TMEM221: variants seen among roughly 807,000 people sequenced by gnomAD.
The protein encoded by TMEM221 is Putative transmembrane protein ENSP00000342162.
In TMEM221, 11 loss-of-function variants were observed where a neutral mutation model predicts 10.2. The ratio of observed to expected loss-of-function variants is 1.08; its 90% confidence interval spans 0.68 to 1.79. TMEM221 has a LOEUF of 1.79. Ranked by LOEUF, TMEM221 falls within the 40% of genes most tolerant of loss-of-function variation. TMEM221 has a pLI of 0.00. For missense variants in TMEM221, 382 were observed against 417.7 expected (o/e 0.91, Z 0.75); for synonymous variants, 172 against 199.8 (o/e 0.86, Z 1.18).
At chr19:17,439,016 G>A (rs994570534) in intron 2 of TMEM221, among the ~76,000 whole-genome samples, 1 of 151,078 alleles carries the variant, frequency 6.6e-6, no homozygotes, top group Non-Finnish European at 1.5e-5. Context: ...GACCATCCTG[G>A]CTAACACGGT....
rs921446315 is a variant in TMEM221, at chr19:17,445,256, G to A, written c.349C>T (p.Leu117Phe). 1 of 1,535,814 alleles carries A rather than the reference G, an allele frequency of 6.5e-7. No homozygotes were observed. Among genetic ancestry groups the A allele is most frequent in the Non-Finnish European group, 8.7e-7 (1 of 1,146,704 alleles). Reference sequence around the variant, plus strand: ...AGGCCAAGGGCCACATGTCTGAGGAGGCGGCAGTCGTAGAGAAACCAGTCA... The same window carrying A: ...AGGCCAAGGGCCACATGTCTGAGGAAGCGGCAGTCGTAGAGAAACCAGTCA... Reference protein sequence around the residue: ...RSDWFLYDCRLLRHVALGLFC... With the variant: ...RSDWFLYDCRFLRHVALGLFC... Residue 117 changes from leucine (L) to phenylalanine (F), a missense_variant, in exon 2 of 3, where the codon CTC becomes TTC. Coordinates refer to ENST00000341130, the MANE Select transcript of TMEM221 (RefSeq NM_001190844.2).
chr19:17,439,874 A>G (rs1310396217), intron 2 of TMEM221, among the ~76,000 whole-genome samples: 1 of 151,848 alleles, frequency 6.6e-6, no homozygotes, highest in East Asian at 2.0e-4. Context: ...AATGTGCTCA[A>G]TCCCACTGAA....
chr19:17,438,895 A>AC (rs74485696), intron 2 of TMEM221, among the ~76,000 whole-genome samples: 150,120 of 150,122 alleles, frequency 1, 75,059 homozygotes, highest in Middle Eastern at 1. Flanking sequence ...ACTGCGCCCG[A>AC]CACCTGCTCT....
In TMEM221 at chr19:17,436,381, T is replaced by A; in HGVS notation, c.*77A>T. ...AAATGAGAGAAAAATCAAGTCCTAC[T>A]GCTACTGCAGCTGAACCCGAACCTA... is the stretch of plus-strand genomic sequence containing the variant. On this transcript the variant is annotated 3_prime_UTR_variant, in exon 3 of 3. Coordinates refer to ENST00000341130, the MANE Select transcript of TMEM221 (RefSeq NM_001190844.2). The A allele has an allele frequency of 2.3e-6, 3 of 1,322,352 alleles. No homozygotes were observed. The highest frequency in any genetic ancestry group is 3.0e-6 in the Non-Finnish European group (3 of 1,007,300). The allele number at this position is 1,322,352 out of a possible 1,614,324, so 81.9% of individuals were successfully genotyped here. A position where few individuals can be genotyped will look rare whatever the true frequency, so the allele number is the denominator to read the frequency against.
At chr19:17,443,841 C>T (rs1276710854) in intron 2 of TMEM221, among the ~76,000 whole-genome samples, 4 of 151,986 alleles carry the variant, frequency 2.6e-5, no homozygotes, top group South Asian at 2.1e-4. Context: ...AAATATAAGG[C>T]GTTAGGAGTC....
chr19:17,445,366 G>T, intron 1 of TMEM221, 82 bp from the exon 2 acceptor site: 1 of 1,210,022 alleles, frequency 8.3e-7, no homozygotes, highest in Non-Finnish European at 1.1e-6. Context: ...GGGAGGGAGA[G>T]CCGCTTAAAT....
At chr19:17,446,537 C>A (rs1343395244) in intron 1 of TMEM221, among the ~76,000 whole-genome samples, 1 of 152,120 alleles carries the variant, frequency 6.6e-6, no homozygotes, top group Non-Finnish European at 1.5e-5. Context: ...CCTTCCCCAT[C>A]TTCCTGTCGC....
intron 2 of TMEM221, among the ~76,000 whole-genome samples, chr19:17,437,206 G>C (rs573709057): frequency 1.3e-5 from 2 of 152,346 alleles, no homozygotes; most frequent in South Asian, 2.1e-4. Flanking sequence ...GGGCTCCAGA[G>C]TCTGTGCTCT....
At chr19:17,443,399 C>G (rs535317902) in intron 2 of TMEM221, among the ~76,000 whole-genome samples, 1 of 151,976 alleles carries the variant, frequency 6.6e-6, no homozygotes, top group Non-Finnish European at 1.5e-5. Flanking sequence ...GATCTTGGCT[C>G]TCTGAAACCT....
chr19:17,445,414 G>T, intron 1 of TMEM221, 130 bp from the exon 2 acceptor site: 1 of 625,808 alleles, frequency 1.6e-6, no homozygotes, highest in Non-Finnish European at 2.7e-6. Context: ...CAAAATCTAT[G>T]TGAGTACCTA....
intron 2 of TMEM221, chr19:17,444,962 G>A (rs1415274715): frequency 2.0e-5 from 7 of 354,820 alleles, no homozygotes; most frequent in South Asian, 1.2e-4. Flanking sequence ...CTTTCATGAG[G>A]ATTAAATCTC....
At chr19:17,447,224 A>G (rs1229743549) in intron 1 of TMEM221, among the ~76,000 whole-genome samples, 1 of 150,002 alleles carries the variant, frequency 6.7e-6, no homozygotes, top group African/African-American at 2.4e-5. Context: ...TCTGTCTCAA[A>G]AAAAAAAAAA....
At chr19:17,440,156 C>A (rs1000348743) in intron 2 of TMEM221, among the ~76,000 whole-genome samples, 1 of 151,908 alleles carries the variant, frequency 6.6e-6, no homozygotes, top group African/African-American at 2.4e-5. Flanking sequence ...CACTGCACTC[C>A]AGCCTGGGTG....
chr19:17,436,914 A>G lies in TMEM221; in HGVS notation c.420T>C (p.Tyr140=). The change falls in exon 3 of 3, where the codon TAT becomes TAC. Residue 140 remains tyrosine (Y), a synonymous_variant. Coordinates refer to ENST00000341130, the MANE Select transcript of TMEM221 (RefSeq NM_001190844.2). ...TCTCGATCTCGAAAAGTAGCAAGGC[A>G]TAGATGGACAGTGCTAGGGAAGGAA... ...ISVYLAALSI[Y]ALLLFEIETG... The G allele has an allele frequency of 3.5e-6, 5 of 1,428,126 alleles. No individual in the cohort carries two copies. The highest frequency in any genetic ancestry group is 4.6e-6 in the Non-Finnish European group (5 of 1,092,918). 88.5% of individuals were successfully genotyped at this position (1,428,126 alleles called of 1,614,324 possible).
At chr19:17,437,614 G>A (rs987579250) in intron 2 of TMEM221, among the ~76,000 whole-genome samples, 4 of 152,192 alleles carry the variant, frequency 2.6e-5, no homozygotes, top group African/African-American at 9.6e-5. Context: ...TGTAATCCCA[G>A]CTCCTCAGGA....
chr19:17,441,140 G>A lies in TMEM221; in HGVS notation c.406+4059C>T, dbSNP rs1475686568. On this transcript the variant is annotated intron_variant, in intron 2 of 2. Transcript: ENST00000341130. Reference sequence around the variant, plus strand: ...GGAGAATCGCTTGAATCTGGGAGGTGGTGGTTGCAGTGAGCTGGGATCACT... The same window carrying A: ...GGAGAATCGCTTGAATCTGGGAGGTAGTGGTTGCAGTGAGCTGGGATCACT... Among the ~76,000 whole-genome samples, 6 of 151,564 alleles carry A rather than the reference G, an allele frequency of 4.0e-5. No homozygotes were observed. The East Asian group carries it at 1.2e-3, about 29-fold the overall frequency.
At chr19:17,438,191 C>T (rs57405634) in intron 2 of TMEM221, among the ~76,000 whole-genome samples, 4 of 151,234 alleles carry the variant, frequency 2.6e-5, no homozygotes, top group Admixed American at 2.0e-4. Context: ...CGGGTTCAAG[C>T]GATTCTCATG....
At chr19:17,439,710 AT>A (rs1199568267) in intron 2 of TMEM221, among the ~76,000 whole-genome samples, 1 of 150,652 alleles carries the variant, frequency 6.6e-6, no homozygotes, top group Non-Finnish European at 1.5e-5. Context: ...AAAAAAAAAA[AT>A]ACAAGCAAAT....
intron 2 of TMEM221, among the ~76,000 whole-genome samples, chr19:17,443,045 G>A (rs531682535): frequency 3.9e-5 from 6 of 151,990 alleles, no homozygotes; most frequent in South Asian, 4.2e-4. Flanking sequence ...TTGGGAGGCC[G>A]AGGTTGGTGG....
Sources: gnomAD v4.1 joint callset for allele counts (sites outside exome capture counted in the v4.1 genomes callset) on GRCh38, gnomAD v4.1.1 for gene constraint, MANE v1.5 for transcripts, NCBI Gene and HGNC (gene_info 2026-07-23, HGNC 2026-07-21) for gene names.